Variants in HNRNPA1 observed in about 807,000 individuals in gnomAD.
HNRNPA1 encodes the protein epididymis secretory sperm binding protein.
HNRNPA1 carries 7 observed loss-of-function variants against 44.4 expected under a neutral mutation model. The ratio of observed to expected loss-of-function variants is 0.16; its 90% CI spans 0.09 to 0.30. The LOEUF is 0.30. Ranked by LOEUF, HNRNPA1 falls within the 10% of genes least tolerant of loss-of-function variation. The pLI is 1.00. For synonymous variants in HNRNPA1, 169 were observed against 160.6 expected (o/e 1.05, Z -0.40); for missense variants, 193 against 465.8 (o/e 0.41, Z 5.39).
At chr12:54,282,030 A>G in intron 3 of HNRNPA1, 60 bp from the exon 4 acceptor site, 7 of 1,597,930 alleles carry the variant, frequency 4.4e-6, no homozygotes, top group Non-Finnish European at 5.1e-6. Context: ...TAAACTTACC[A>G]AAATTTTTTA....
At chr12:54,283,010 C>G (rs1206509471) in intron 7 of HNRNPA1, 69 bp from the exon 8 acceptor site, 5 of 1,561,254 alleles carry the variant, frequency 3.2e-6, no homozygotes, top group Non-Finnish European at 4.4e-6. Flanking sequence ...AGGCCTTCAG[C>G]CGTTACACTT....
chr12:54,280,939 C>T (rs901138779), intron 1 of HNRNPA1, 117 bp downstream of exon 1: 3 of 1,108,722 alleles, frequency 2.7e-6, no homozygotes, highest in Non-Finnish European at 4.1e-6. Flanking sequence ...CGGTCGCTGC[C>T]ACGGCCTACC....
rs1191254223 is a variant in HNRNPA1 at position 54,281,013 on chromosome 12, A to G, written c.15+191A>G. 4 of 720,248 alleles carry G rather than the reference A, an allele frequency of 5.6e-6. No individual in the cohort carries two copies. In the Admixed American group the frequency reaches 8.0e-5, roughly 14 times the overall value. The allele number at this position is 720,248 out of a possible 1,614,324, so 44.6% of individuals were successfully genotyped here. A position where few individuals can be genotyped will look rare whatever the true frequency, so the allele number is the denominator to read the frequency against. ...GCCATGAGGCCGCTCTCCGCCAACCATGAGTTATCATGCGGGACTCGTTAC... is the reference window on the plus strand; with the variant it reads ...GCCATGAGGCCGCTCTCCGCCAACCGTGAGTTATCATGCGGGACTCGTTAC... On this transcript the variant is annotated intron_variant, in intron 1 of 10. Transcript: ENST00000340913.
At position 54,281,367 on chromosome 12, in the gene HNRNPA1, C is replaced by T. The variant is rs1243866498; in HGVS notation, c.16-19C>T. 5 of 1,363,886 alleles carry T rather than the reference C, an allele frequency of 3.7e-6. No individual in the cohort carries two copies. Among genetic ancestry groups the T allele is most frequent in the Admixed American group, 3.9e-5 (2 of 51,042 alleles). The allele number at this position is 1,363,886 out of a possible 1,614,324, so 84.5% of individuals were successfully genotyped here. A position where few individuals can be genotyped will look rare whatever the true frequency, so the allele number is the denominator to read the frequency against. On this transcript the variant is annotated intron_variant, in intron 1 of 10. Coordinates refer to ENST00000340913, the MANE Select transcript of HNRNPA1 (RefSeq NM_031157.4). ...TCGTGTTGTAGCCCATTTAACACTTCCCCCTCCCCCCACTCTAGTCTCCTA... is the reference window on the plus strand; with the variant it reads ...TCGTGTTGTAGCCCATTTAACACTTTCCCCTCCCCCCACTCTAGTCTCCTA...
Position 54,283,103 on chromosome 12 carries a change from G to C in HNRNPA1, c.776G>C (p.Gly259Ala), listed in dbSNP as rs912551710. The change falls in exon 8 of 11, where the codon GGT (glycine) becomes GCT (alanine). Residue 259 changes from glycine (G) to alanine (A), a missense_variant. By Grantham distance (60) the Gly-to-Ala change is moderately conservative. Transcript: ENST00000340913. ...NDGGYGGGGP[G>A]YSGGSRGYGS... Reference sequence around the variant, plus strand: ...GGTGGTTATGGAGGAGGCGGCCCTGGTTACTCTGGAGGAAGCAGAGGCTAT... The same window carrying C: ...GGTGGTTATGGAGGAGGCGGCCCTGCTTACTCTGGAGGAAGCAGAGGCTAT... 2 of 1,613,254 alleles carry C rather than the reference G, an allele frequency of 1.2e-6. No individual in the cohort carries two copies. Among genetic ancestry groups the C allele is most frequent in the Non-Finnish European group, 1.7e-6 (2 of 1,179,782 alleles).
chr12:54,281,127 A>C (rs556841182), intron 1 of HNRNPA1: 1 of 699,770 alleles, frequency 1.4e-6, no homozygotes, highest in African/African-American at 1.7e-5. Flanking sequence ...GATTAGTCCC[A>C]TTGTGGAGAT....
chr12:54,280,796 C>T lies in HNRNPA1; in HGVS notation c.-12C>T. The T allele has an allele frequency of 1.9e-6, 3 of 1,614,192 alleles. No homozygotes were observed. Among genetic ancestry groups the T allele is most frequent in the East Asian group, 2.2e-5 (1 of 44,884 alleles). ...AAGAAGCATCGTTAAAGTCTCTCTT[C>T]ACCCTGCCGTCATGTCTAAGTCAGA... On this transcript the variant is annotated 5_prime_UTR_variant, in exon 1 of 11. Coordinates refer to ENST00000340913, the MANE Select transcript of HNRNPA1 (RefSeq NM_031157.4).
In HNRNPA1 at chr12:54,281,854, T is replaced by C. The variant is rs1394850876; in HGVS notation, c.192T>C (p.Thr64=). Residue 64 remains threonine, a synonymous_variant, in exon 3 of 11, where the codon ACT becomes ACC. Coordinates refer to ENST00000340913, the MANE Select transcript of HNRNPA1 (RefSeq NM_031157.4). Reference sequence around the variant, plus strand: ...GCTTTGGGTTTGTCACATATGCCACTGTGGAGGAGGTGGATGCAGCTATGA... The same window carrying C: ...GCTTTGGGTTTGTCACATATGCCACCGTGGAGGAGGTGGATGCAGCTATGA... ...SRGFGFVTYA[T]VEEVDAAMNA... is the part of the protein sequence containing the mutation. 1.2e-6 allele frequency: 2 copies of C among 1,613,352 alleles called. No homozygotes were observed. Among genetic ancestry groups the C allele is most frequent in the African/African-American group, 2.7e-5 (2 of 74,906 alleles).
chr12:54,282,443 C>G lies in HNRNPA1; in HGVS notation c.540C>G (p.Ala180=), dbSNP rs1006828520. ...VNGHNCEVRK[A]LSKQEMASAS... ...GCCACAACTGTGAAGTTAGAAAAGC[C>G]CTGTCAAAGCAAGAGATGGCTAGTG... The change falls in exon 5 of 11, where the codon GCC becomes GCG. Residue 180 remains alanine, a synonymous_variant. Coordinates refer to ENST00000340913, the MANE Select transcript of HNRNPA1 (RefSeq NM_031157.4). 1.2e-6 allele frequency: 2 copies of G among 1,613,512 alleles called. No individual in the cohort carries two copies. The highest frequency in any genetic ancestry group is 2.2e-5 in the East Asian group (1 of 44,892).
rs1565883372 is a variant in HNRNPA1, at chr12:54,286,992, T to C, written c.*2448T>C. On this transcript the variant is annotated 3_prime_UTR_variant, in exon 11 of 11. Transcript: ENST00000340913. ...AGACCTTTATCTGAGCCACTGTACTTCGTTATCACTGCCATGCAGTTTACA... is the reference window on the plus strand; with the variant it reads ...AGACCTTTATCTGAGCCACTGTACTCCGTTATCACTGCCATGCAGTTTACA... 1 of 152,184 alleles carries C rather than the reference T, an allele frequency of 6.6e-6. No homozygotes were observed. Among genetic ancestry groups the C allele is most frequent in the Non-Finnish European group, 1.5e-5 (1 of 68,024 alleles). The allele number at this position is 152,184 out of a possible 1,614,324, so 9.4% of individuals were successfully genotyped here. A position where few individuals can be genotyped will look rare whatever the true frequency, so the allele number is the denominator to read the frequency against.
rs769926860 is a variant in HNRNPA1, at chr12:54,287,037, A to C, written c.*2493A>C. The C allele has an allele frequency of 2.2e-4, 34 of 152,076 alleles. No individual in the cohort carries two copies. The highest frequency in any genetic ancestry group is 8.2e-4 in the African/African-American group (34 of 41,400). The allele number at this position is 152,076 out of a possible 1,614,324, so 9.4% of individuals were successfully genotyped here. ...TTTACATGAGCTGTTCTGCAGCTCA[A>C]ATTCCATTTTGTGAATGGGTTTTTT... On this transcript the variant is annotated 3_prime_UTR_variant, in exon 11 of 11. Coordinates refer to ENST00000340913, the MANE Select transcript of HNRNPA1 (RefSeq NM_031157.4).
chr12:54,282,128 G>A lies in HNRNPA1; in HGVS notation c.318G>A (p.Lys106=), dbSNP rs2137042274. ...CAGGTGCCCACTTAACTGTGAAAAA[G>A]ATATTTGTTGGTGGCATTAAAGAAG... ...QRPGAHLTVK[K]IFVGGIKEDT... is the part of the protein sequence containing the mutation. Residue 106 remains lysine (K), a synonymous_variant, in exon 4 of 11, where the codon AAG becomes AAA. Transcript: ENST00000340913. 1.2e-6 allele frequency: 2 copies of A among 1,608,638 alleles called. No individual in the cohort carries two copies. Among genetic ancestry groups the A allele is most frequent in the Non-Finnish European group, 1.7e-6 (2 of 1,177,308 alleles).
At chr12:54,284,041 C>CA in intron 9 of HNRNPA1, 74 bp downstream of exon 9, 1 of 1,515,384 alleles carries the variant, frequency 6.6e-7, no homozygotes, top group South Asian at 1.2e-5. Context: ...AGCCCTTTAA[C>CA]TGCTATGTCT....
chr12:54,283,001 G>C, intron 7 of HNRNPA1, 78 bp from the exon 8 acceptor site: 1 of 1,536,738 alleles, frequency 6.5e-7, no homozygotes, highest in African/African-American at 1.4e-5. Context: ...GCTGTGAGCA[G>C]GCCTTCAGCC....
chr12:54,286,305 T>TA lies in HNRNPA1; in HGVS notation c.*1762dup, dbSNP rs942968072. 5.9e-5 allele frequency: 9 copies of TA among 152,284 alleles called. No homozygotes were observed. The highest frequency in any genetic ancestry group is 1.2e-4 in the Non-Finnish European group (8 of 68,012). The allele number at this position is 152,284 out of a possible 1,614,324, so 9.4% of individuals were successfully genotyped here. A position where few individuals can be genotyped will look rare whatever the true frequency, so the allele number is the denominator to read the frequency against. On this transcript the variant is annotated 3_prime_UTR_variant, in exon 11 of 11. Coordinates refer to ENST00000340913, the MANE Select transcript of HNRNPA1 (RefSeq NM_031157.4). ...CGGGTAGGTAAGAACAGATTTTACT[T>TA]ACATCCATATAGTTACTTAAAGTCC...
In HNRNPA1 at chr12:54,283,249, A is replaced by G. The variant is rs772011735; in HGVS notation, c.907+15A>G. The G allele has an allele frequency of 6.2e-7, 1 of 1,610,312 alleles. No homozygotes were observed. Among genetic ancestry groups the G allele is most frequent in the Admixed American group, 1.7e-5 (1 of 59,118 alleles). The stretch of plus-strand genomic sequence containing the variant: ...CGGTGGTAGTGGTAGGTATCCAGTG[A>G]TCCAAGTACTTGGTGTGACAGCTAG... On this transcript the variant is annotated intron_variant, in intron 8 of 10. Transcript: ENST00000340913.
intron 8 of HNRNPA1, among the ~76,000 whole-genome samples, 172 bp downstream of exon 8, chr12:54,283,406 T>C (rs1335091420): frequency 6.6e-6 from 1 of 152,132 alleles, no homozygotes; most frequent in African/African-American, 2.4e-5. Flanking sequence ...CACTCCCAAA[T>C]AGTAGAGATA....
rs1944233315 is a variant in HNRNPA1, at chr12:54,284,335, T to C, written c.*4+18T>C. The stretch of plus-strand genomic sequence containing the variant: ...TTAATTAGGTAAGTAAGCACCTTTT[T>C]GTGTGTTGACATAATTTTTTAAATT... On this transcript the variant is annotated intron_variant, in intron 10 of 10. Transcript: ENST00000340913. 1 of 1,609,728 alleles carries C rather than the reference T, an allele frequency of 6.2e-7. No individual in the cohort carries two copies.
rs560484527 is a variant in HNRNPA1 at position 54,280,750 on chromosome 12, T to C, written c.-58T>C. The C allele has an allele frequency of 6.2e-7, 1 of 1,609,580 alleles. No individual in the cohort carries two copies. Among genetic ancestry groups the C allele is most frequent in the Non-Finnish European group, 8.5e-7 (1 of 1,175,962 alleles). ...CAGATACGTTCGTCAGCTTGCTCCTTTCTGCCCGTGGACGCCGCCGAAGAA... is the reference window on the plus strand; with the variant it reads ...CAGATACGTTCGTCAGCTTGCTCCTCTCTGCCCGTGGACGCCGCCGAAGAA... On this transcript the variant is annotated 5_prime_UTR_variant, in exon 1 of 11. Transcript: ENST00000340913.
Sources: gnomAD v4.1 joint callset for allele counts (sites outside exome capture counted in the v4.1 genomes callset) on GRCh38, gnomAD v4.1.1 for gene constraint, MANE v1.5 for transcripts, NCBI Gene and HGNC (gene_info 2026-07-23, HGNC 2026-07-21) for gene names.